Variants in XKR8 observed in about 807,000 individuals in gnomAD.
XKR8 encodes XK-related protein 8.
Under a neutral mutation model 17.1 loss-of-function variants are expected in XKR8, and 10 were observed. The observed-to-expected ratio is 0.59, with a 90% confidence interval of 0.36 to 0.99. XKR8 has a LOEUF of 0.99. XKR8 is among the 50% of genes least tolerant of loss of function. The probability of loss-of-function intolerance (pLI) is 0.01; values close to 1 mark genes in which losing one functional copy is unlikely to be tolerated. For synonymous variants in XKR8, 213 were observed against 251.9 expected, an observed-to-expected ratio of 0.85 and a Z score of 1.46; for missense variants, 411 against 515.6, an observed-to-expected ratio of 0.80 and a Z score of 1.96.
chr1:27,962,749 G>A (rs1290747158), intron 1 of XKR8, among the ~76,000 whole-genome samples: 2 of 151,266 alleles, frequency 1.3e-5, no homozygotes, highest in Non-Finnish European at 1.5e-5. Context: ...GTACCACCAC[G>A]TCCAACTAAT....
chr1:27,966,683 T>C lies in XKR8; in HGVS notation c.671T>C (p.Leu224Pro). 1 of 1,614,110 alleles carries C rather than the reference T, an allele frequency of 6.2e-7. No homozygotes were observed. Among genetic ancestry groups the C allele is most frequent in the Non-Finnish European group, 8.5e-7 (1 of 1,180,000 alleles). The change falls in exon 3 of 3, where the codon CTC becomes CCC. Residue 224 changes from leucine to proline, a missense_variant. Physicochemically the swap from Leu to Pro is moderately conservative, Grantham distance 98. Coordinates refer to ENST00000373884, the MANE Select transcript of XKR8 (RefSeq NM_018053.4). The surrounding 1 kb of genome is among the most constrained non-coding windows in gnomAD (Gnocchi z 4.3). Reference protein sequence around the residue: ...RVLAVALFSALFPSYVALHFL... With the variant: ...RVLAVALFSAPFPSYVALHFL... The stretch of plus-strand genomic sequence containing the variant: ...CTGGCTGTGGCCCTGTTCTCAGCCC[T>C]CTTCCCCAGCTATGTGGCCCTGCAC...
At position 27,966,418 on chromosome 1, in the gene XKR8, G is replaced by C; in HGVS notation, c.491-85G>C. ...TCTAATACCTACCCCAGGGTTGCTG[G>C]GAGGGCCCCCACGGTACCTGTGACC... On this transcript the variant is annotated intron_variant, in intron 2 of 2. Transcript: ENST00000373884. The surrounding 1 kb of genome is among the most constrained non-coding windows in gnomAD (Gnocchi z 4.3). The C allele has an allele frequency of 7.3e-7, 1 of 1,364,496 alleles. No homozygotes were observed. The highest frequency in any genetic ancestry group is 1.0e-6 in the Non-Finnish European group (1 of 991,994). 84.5% of individuals were successfully genotyped at this position (1,364,496 alleles called of 1,614,324 possible). A position where few individuals can be genotyped will look rare whatever the true frequency, so the allele number is the denominator to read the frequency against.
Position 27,960,510 on chromosome 1 carries a change from G to A in XKR8, c.293+148G>A, listed in dbSNP as rs770528297. ...GGGCGCCTGGCCTACAGGTGAGCGTGCAGCCCTTTACGGAAAGGGAATCCC... is the reference window on the plus strand; with the variant it reads ...GGGCGCCTGGCCTACAGGTGAGCGTACAGCCCTTTACGGAAAGGGAATCCC... On this transcript the variant is annotated intron_variant, in intron 1 of 2. Coordinates refer to ENST00000373884, the MANE Select transcript of XKR8 (RefSeq NM_018053.4). This position sits in a 1 kb window ranked among gnomAD's most constrained non-coding sequence, Gnocchi z 5.9. 195 of 774,938 alleles carry A rather than the reference G, an allele frequency of 2.5e-4. No homozygotes were observed. The highest frequency in any genetic ancestry group is 2.0e-3 in the Middle Eastern group (5 of 2,464). 48.0% of individuals were successfully genotyped at this position (774,938 alleles called of 1,614,324 possible).
intron 2 of XKR8, among the ~76,000 whole-genome samples, chr1:27,963,997 C>G (rs1468711292): frequency 6.6e-6 from 1 of 152,010 alleles, no homozygotes. Flanking sequence ...TACATAAGTT[C>G]CTGGTACAGA....
Position 27,966,760 on chromosome 1 carries a change from G to A in XKR8, c.748G>A (p.Asp250Asn), listed in dbSNP as rs772727899. Residue 250 changes from aspartate to asparagine, a missense_variant, in exon 3 of 3, where the codon GAC (aspartate) becomes AAC (asparagine). Physicochemically the swap from Asp to Asn is conservative, Grantham distance 23. Transcript: ENST00000373884. The surrounding 1 kb of genome is among the most constrained non-coding windows in gnomAD (Gnocchi z 4.3). ...GCTCTGGGTCTGGCTTCAGGGCACA[G>A]ACTTCATGCCGGACCCCAGCTCCGA... is the stretch of plus-strand genomic sequence containing the variant. ...LLLWVWLQGT[D>N]FMPDPSSEWL... The A allele has an allele frequency of 1.9e-6, 3 of 1,614,052 alleles. No individual in the cohort carries two copies. In the South Asian group the frequency reaches 3.3e-5, roughly 18 times the overall value.
chr1:27,962,721 A>G (rs1049703055), intron 1 of XKR8, among the ~76,000 whole-genome samples: 1 of 151,916 alleles, frequency 6.6e-6, no homozygotes, highest in Non-Finnish European at 1.5e-5. Context: ...CCTCCTGAGT[A>G]GCTTGGACTA....
Position 27,967,269 on chromosome 1 carries a change from A to C in XKR8, c.*69A>C, listed in dbSNP as rs1638596508. The C allele has an allele frequency of 3.4e-6, 5 of 1,481,212 alleles. No individual in the cohort carries two copies. The highest frequency in any genetic ancestry group is 4.6e-5 in the Admixed American group (2 of 43,884). 91.8% of individuals were successfully genotyped at this position (1,481,212 alleles called of 1,614,324 possible). ...GATGGAGAGTGACTCTGTTGGCAGA[A>C]GGCAGGCGAGGATAAGCTAACGATG... On this transcript the variant is annotated 3_prime_UTR_variant, in exon 3 of 3. Coordinates refer to ENST00000373884, the MANE Select transcript of XKR8 (RefSeq NM_018053.4). The surrounding 1 kb of genome is among the most constrained non-coding windows in gnomAD (Gnocchi z 4.3).
rs924546929 is a variant in XKR8 at position 27,966,237 on chromosome 1, C to G, written c.491-266C>G. ...TGCTGGGTGGGCCACAGGTCACATC[C>G]TCTCATCTTTGACAAATACCACCCG... is the stretch of plus-strand genomic sequence containing the variant. On this transcript the variant is annotated intron_variant, in intron 2 of 2. Transcript: ENST00000373884. This position sits in a 1 kb window ranked among gnomAD's most constrained non-coding sequence, Gnocchi z 4.3. 5.3e-5 allele frequency among the ~76,000 whole-genome samples: 8 copies of G among 152,144 alleles called. No individual in the cohort carries two copies. Among genetic ancestry groups the G allele is most frequent in the African/African-American group, 1.7e-4 (7 of 41,432 alleles).
At position 27,960,305 on chromosome 1, in the gene XKR8, A is replaced by T; in HGVS notation, c.236A>T (p.Gln79Leu). ...RADPAGLHGS[Q>L]PPRRCLALLH... ...GACCCTGCCGGCCTGCACGGGTCGC[A>T]GCCCCCGCGCCGCTGCCTGGCGCTG... Residue 79 changes from glutamine to leucine, a missense_variant, in exon 1 of 3, where the codon CAG (glutamine) becomes CTG (leucine). Gln to Leu is a moderately radical substitution (Grantham distance 113). Coordinates refer to ENST00000373884, the MANE Select transcript of XKR8 (RefSeq NM_018053.4). This position sits in a 1 kb window ranked among gnomAD's most constrained non-coding sequence, Gnocchi z 5.9. 1 of 1,445,612 alleles carries T rather than the reference A, an allele frequency of 6.9e-7. No individual in the cohort carries two copies. The highest frequency in any genetic ancestry group is 9.0e-7 in the Non-Finnish European group (1 of 1,107,002). 89.5% of individuals were successfully genotyped at this position (1,445,612 alleles called of 1,614,324 possible).
intron 2 of XKR8, among the ~76,000 whole-genome samples, chr1:27,964,720 G>T (rs1225733031): frequency 6.6e-6 from 1 of 152,174 alleles, no homozygotes; most frequent in South Asian, 2.1e-4. Flanking sequence ...GAAGTTTACA[G>T]TGAGGAGCTT....
chr1:27,964,400 G>A (rs1349715882), intron 2 of XKR8, among the ~76,000 whole-genome samples: 3 of 152,092 alleles, frequency 2.0e-5, no homozygotes, highest in Admixed American at 6.6e-5. Context: ...AATTTCATAC[G>A]TTGGGAGGCC....
Position 27,966,987 on chromosome 1 carries a change from C to G in XKR8, c.975C>G (p.Gly325=). ...AGCTGTGGCTGCCTGTGGGATGCGG[C>G]TGCTTCTTTCTGGGCCTGGCTCTGC... ...PLQLWLPVGC[G]CFFLGLALRL... is the part of the protein sequence containing the mutation. The change falls in exon 3 of 3, where the codon GGC becomes GGG. Residue 325 remains glycine (G), a synonymous_variant. Transcript: ENST00000373884. This position sits in a 1 kb window ranked among gnomAD's most constrained non-coding sequence, Gnocchi z 4.3. 6.2e-7 allele frequency: 1 copy of G among 1,614,178 alleles called. No homozygotes were observed.
At chr1:27,963,930 C>T (rs1638520144) in intron 2 of XKR8, among the ~76,000 whole-genome samples, 1 of 152,092 alleles carries the variant, frequency 6.6e-6, no homozygotes, top group South Asian at 2.1e-4. Flanking sequence ...ATCCTCCTGC[C>T]TCATAAGGTT....
rs754615904 is a variant in XKR8, at chr1:27,966,385, C to T, written c.491-118C>T. On this transcript the variant is annotated intron_variant, in intron 2 of 2. Transcript: ENST00000373884. This position sits in a 1 kb window ranked among gnomAD's most constrained non-coding sequence, Gnocchi z 4.3. ...TAGCTGCAGATTTGCCTTCAACAAA[C>T]GAGGGATTCTAATACCTACCCCAGG... 4.9e-5 allele frequency: 49 copies of T among 992,344 alleles called. No individual in the cohort carries two copies. The highest frequency in any genetic ancestry group is 6.5e-5 in the Non-Finnish European group (44 of 674,492). The allele number at this position is 992,344 out of a possible 1,614,324, so 61.5% of individuals were successfully genotyped here.
chr1:27,962,887 C>A (rs1442047575), intron 1 of XKR8, among the ~76,000 whole-genome samples: 1 of 152,228 alleles, frequency 6.6e-6, no homozygotes, highest in Admixed American at 6.5e-5. Flanking sequence ...GCCACTGCAC[C>A]CAGACCTTAT....
rs747403569 is a variant in XKR8, at chr1:27,963,722, T to C, written c.490+29T>C. 19 of 1,485,584 alleles carry C rather than the reference T, an allele frequency of 1.3e-5. No individual in the cohort carries two copies. The Admixed American group carries it at 4.5e-4, about 35-fold the overall frequency. 92.0% of individuals were successfully genotyped at this position (1,485,584 alleles called of 1,614,324 possible). ...AGTGAAGGCCTGTGGCTGGCCCCCC[T>C]GTCGTGGCTTGGTGGGGGGTCTCTC... On this transcript the variant is annotated intron_variant, in intron 2 of 2. Transcript: ENST00000373884.
chr1:27,966,431 G>C lies in XKR8; in HGVS notation c.491-72G>C. The C allele has an allele frequency of 6.8e-7, 1 of 1,471,894 alleles. No homozygotes were observed. The highest frequency in any genetic ancestry group is 9.3e-7 in the Non-Finnish European group (1 of 1,080,578). The allele number at this position is 1,471,894 out of a possible 1,614,324, so 91.2% of individuals were successfully genotyped here. A position where few individuals can be genotyped will look rare whatever the true frequency, so the allele number is the denominator to read the frequency against. ...CCAGGGTTGCTGGGAGGGCCCCCAC[G>C]GTACCTGTGACCGCTGGGGAGTGCC... On this transcript the variant is annotated intron_variant, in intron 2 of 2. Transcript: ENST00000373884. The surrounding 1 kb of genome is among the most constrained non-coding windows in gnomAD (Gnocchi z 4.3).
At chr1:27,964,567 C>T (rs1638533220) in intron 2 of XKR8, among the ~76,000 whole-genome samples, 1 of 152,128 alleles carries the variant, frequency 6.6e-6, no homozygotes, top group Non-Finnish European at 1.5e-5. Flanking sequence ...GTGCCTGTTA[C>T]TGTGCTGGGG....
Position 27,966,459 on chromosome 1 carries a change from G to A in XKR8, c.491-44G>A. ...ACCTGTGACCGCTGGGGAGTGCCAAGCAGGCTGGCCCCAGGACTCACTGTT... is the reference window on the plus strand; with the variant it reads ...ACCTGTGACCGCTGGGGAGTGCCAAACAGGCTGGCCCCAGGACTCACTGTT... On this transcript the variant is annotated intron_variant, in intron 2 of 2. Coordinates refer to ENST00000373884, the MANE Select transcript of XKR8 (RefSeq NM_018053.4). This position sits in a 1 kb window ranked among gnomAD's most constrained non-coding sequence, Gnocchi z 4.3. The A allele has an allele frequency of 6.4e-7, 1 of 1,561,056 alleles. No individual in the cohort carries two copies.
Sources: gnomAD v4.1 joint callset for allele counts (sites outside exome capture counted in the v4.1 genomes callset) on GRCh38, gnomAD v4.1.1 for gene constraint, Gnocchi (gnomAD v3.1) non-coding constraint, MANE v1.5 for transcripts, NCBI Gene and HGNC (gene_info 2026-07-23, HGNC 2026-07-21) for gene names.